Variants in MACROD2 observed in about 807,000 individuals in gnomAD.
The protein encoded by MACROD2 is ADP-ribose glycohydrolase MACROD2.
MACROD2 carries 36 observed loss-of-function variants against 70.4 expected under a neutral mutation model. The ratio of observed to expected loss-of-function variants is 0.51; its 90% CI spans 0.39 to 0.68. The LOEUF is 0.68. Among genes scored for constraint, MACROD2 ranks in the 30% least tolerant of loss-of-function variants. The pLI is 0.00. For synonymous variants in MACROD2, 172 were observed against 178.8 expected, an observed-to-expected ratio of 0.96 and a Z score of 0.30; for missense variants, 496 against 538.4, an observed-to-expected ratio of 0.92 and a Z score of 0.78.
At chr20:15,046,219 G>A (rs539769376) in intron 5 of MACROD2, among the ~76,000 whole-genome samples, 16 of 152,092 alleles carry the variant, frequency 1.1e-4, no homozygotes, top group African/African-American at 3.1e-4. Context: ...CAAATAAACT[G>A]TTTTGTAAAA....
chr20:14,977,653 C>G (rs190988906), intron 5 of MACROD2, among the ~76,000 whole-genome samples: 2 of 151,918 alleles, frequency 1.3e-5, no homozygotes. Flanking sequence ...AAGAGATAAC[C>G]GTTGTACAAG....
intron 12 of MACROD2, among the ~76,000 whole-genome samples, chr20:15,938,520 GC>G (rs1568654723): frequency 6.6e-6 from 1 of 152,070 alleles, no homozygotes; most frequent in Non-Finnish European, 1.5e-5. Context: ...TATGTACTGT[GC>G]CCATATAAGA....
chr20:14,964,719 A>C (rs2074616607), intron 5 of MACROD2, among the ~76,000 whole-genome samples: 1 of 152,172 alleles, frequency 6.6e-6, no homozygotes, highest in African/African-American at 2.4e-5. Flanking sequence ...TATTGAGTTC[A>C]TATTGTTTTT....
intron 6 of MACROD2, among the ~76,000 whole-genome samples, chr20:15,334,273 C>T (rs763250361): frequency 2.0e-5 from 3 of 151,392 alleles, no homozygotes; most frequent in African/African-American, 4.9e-5. Context: ...TAATAACTTT[C>T]TAAGTTCTTT....
intron 5 of MACROD2, among the ~76,000 whole-genome samples, chr20:14,850,873 T>C (rs1353400972): frequency 6.6e-6 from 1 of 152,122 alleles, no homozygotes; most frequent in Non-Finnish European, 1.5e-5. Context: ...AATTATAATA[T>C]ATAAAAAAGA....
chr20:15,071,339 A>G (rs1205313353), intron 5 of MACROD2, among the ~76,000 whole-genome samples: 1 of 152,208 alleles, frequency 6.6e-6, no homozygotes. Flanking sequence ...CAGTCCTTTG[A>G]AGGATCTTGA....
At chr20:15,768,404 G>A (rs1287845723) in intron 8 of MACROD2, among the ~76,000 whole-genome samples, 1 of 152,108 alleles carries the variant, frequency 6.6e-6, no homozygotes, top group Non-Finnish European at 1.5e-5. Flanking sequence ...GCTCAACATA[G>A]AAAAGATACT....
At chr20:15,285,661 CATCATGAGCTAG>C (rs1298533271) in intron 6 of MACROD2, among the ~76,000 whole-genome samples, 2 of 152,138 alleles carry the variant, frequency 1.3e-5, no homozygotes, top group African/African-American at 4.8e-5. Flanking sequence ...CTCATTAACA[CATCATGAGCTAG>C]AACCTGTACT....
intron 13 of MACROD2, among the ~76,000 whole-genome samples, chr20:15,976,726 A>C (rs1040398433): frequency 1.3e-5 from 2 of 151,134 alleles, no homozygotes; most frequent in African/African-American, 4.9e-5. Context: ...TTTTTAATTA[A>C]CTTTATTTAA....
rs1480051813 is a variant in MACROD2 at position 14,458,895 on chromosome 20, T to C, written c.272-34584T>C. Among the ~76,000 whole-genome samples, 5 of 152,128 alleles carry C rather than the reference T, an allele frequency of 3.3e-5. No homozygotes were observed. In the East Asian group the frequency reaches 9.6e-4, roughly 29 times the overall value. ...TGGCAAGGCTGTCATCATTTTGTTT[T>C]ACTGTATGTTCTTTTCTTAAGGATC... On this transcript the variant is annotated intron_variant, in intron 3 of 17. Coordinates refer to ENST00000684519, the MANE Select transcript of MACROD2 (RefSeq NM_001351661.2).
intron 5 of MACROD2, among the ~76,000 whole-genome samples, chr20:15,181,202 C>A (rs1037030490): frequency 6.6e-6 from 1 of 152,018 alleles, no homozygotes; most frequent in Non-Finnish European, 1.5e-5. Context: ...TCACGTTTGG[C>A]GGTGGATGCA....
intron 3 of MACROD2, among the ~76,000 whole-genome samples, chr20:14,287,291 G>T (rs193029875): frequency 6.6e-6 from 1 of 152,236 alleles, no homozygotes; most frequent in Admixed American, 6.5e-5. Flanking sequence ...GAAGTGAATT[G>T]AATAGAGCTA....
At chr20:14,492,648 T>G (rs1320955797) in intron 3 of MACROD2, among the ~76,000 whole-genome samples, 1 of 152,168 alleles carries the variant, frequency 6.6e-6, no homozygotes, top group Non-Finnish European at 1.5e-5. Flanking sequence ...GGTTGCTACC[T>G]ACTTTCCCTG....
At chr20:15,157,563 T>TGCAAAA (rs1333403693) in intron 5 of MACROD2, among the ~76,000 whole-genome samples, 1 of 152,102 alleles carries the variant, frequency 6.6e-6, no homozygotes, top group Non-Finnish European at 1.5e-5. Context: ...TGCAGGTGTG[T>TGCAAAA]GTTTTGATTA....
At chr20:15,333,108 C>G (rs1483758239) in intron 6 of MACROD2, among the ~76,000 whole-genome samples, 4 of 151,442 alleles carry the variant, frequency 2.6e-5, no homozygotes, top group Non-Finnish European at 5.9e-5. Context: ...AGCTATTTAC[C>G]TAGAGCAATG....
At chr20:14,869,111 A>G (rs113973671) in intron 5 of MACROD2, among the ~76,000 whole-genome samples, 39 of 152,314 alleles carry the variant, frequency 2.6e-4, no homozygotes, top group African/African-American at 8.9e-4. Context: ...CACAGGTCAC[A>G]TACCCGTGAA....
chr20:15,673,464 A>G (rs1403351835), intron 8 of MACROD2, among the ~76,000 whole-genome samples: 1 of 152,214 alleles, frequency 6.6e-6, no homozygotes, highest in Non-Finnish European at 1.5e-5. Context: ...TCATGTCAGA[A>G]GTATGAACCC....
intron 3 of MACROD2, among the ~76,000 whole-genome samples, chr20:14,175,924 T>C (rs948849022): frequency 6.6e-6 from 1 of 152,236 alleles, no homozygotes. Context: ...TAATGTCTTA[T>C]AGGCAAATGA....
At chr20:14,889,936 A>G (rs1185776644) in intron 5 of MACROD2, among the ~76,000 whole-genome samples, 1 of 152,160 alleles carries the variant, frequency 6.6e-6, no homozygotes, top group East Asian at 1.9e-4. Flanking sequence ...AGCCTACTGC[A>G]ATAATCTGGG....
Sources: allele counts gnomAD v4.1 joint callset (sites outside exome capture counted in the v4.1 genomes callset), GRCh38; gene constraint gnomAD v4.1.1; transcripts MANE v1.5; gene names NCBI Gene and HGNC (gene_info 2026-07-23, HGNC 2026-07-21).